Variants in ZNF442 observed in about 807,000 individuals in gnomAD.
ZNF442 encodes zinc finger protein 442.
ZNF442 carries 45 observed loss-of-function variants against 57.0 expected under a neutral mutation model. That is an observed-to-expected ratio of 0.79 (90% CI 0.62 to 1.01). The LOEUF (loss-of-function observed/expected upper bound fraction) is 1.01. Among genes scored for constraint, ZNF442 ranks in the 50% least tolerant of loss-of-function variants. The pLI, the probability that ZNF442 is intolerant of heterozygous loss-of-function variation, is 0.00. For synonymous variants in ZNF442, 213 were observed against 241.8 expected (o/e 0.88, Z 1.10); for missense variants, 690 against 756.5 (o/e 0.91, Z 1.03).
chr19:12,369,208 C>G (rs1379692448), upstream of ZNF442, among the ~76,000 whole-genome samples: 1 of 151,970 alleles, frequency 6.6e-6, no homozygotes, highest in East Asian at 1.9e-4. Flanking sequence ...CCTCCTAGAG[C>G]TGTGGGAAGC....
intron 5 of ZNF442, among the ~76,000 whole-genome samples, chr19:12,351,640 G>C (rs1969240436): frequency 6.6e-6 from 1 of 152,026 alleles, no homozygotes; most frequent in African/African-American, 2.4e-5. Context: ...CGAGTAACTG[G>C]GACTACACAC....
At chr19:12,358,764 G>A (rs973859292) in intron 3 of ZNF442, among the ~76,000 whole-genome samples, 1 of 152,154 alleles carries the variant, frequency 6.6e-6, no homozygotes, top group Non-Finnish European at 1.5e-5. Context: ...GGCATTTGCT[G>A]AACACCAATT....
chr19:12,350,776 C>G lies in ZNF442; in HGVS notation c.809G>C (p.Cys270Ser). 6.2e-7 allele frequency: 1 copy of G among 1,614,128 alleles called. No homozygotes were observed. The change falls in exon 6 of 6, where the codon TGT becomes TCT. Residue 270 changes from cysteine (C) to serine (S), a missense_variant. Coordinates refer to ENST00000242804, the MANE Select transcript of ZNF442 (RefSeq NM_030824.3). ...TGEKPYECKH[C>S]SKAFPDYSSY... ...ACTGTAATCAGGGAAGGCTTTGGAA[C>G]AGTGCTTGCATTCATATGGTTTCTC...
intron 3 of ZNF442, among the ~76,000 whole-genome samples, chr19:12,363,331 A>C (rs914892581): frequency 6.6e-6 from 1 of 152,142 alleles, no homozygotes; most frequent in Non-Finnish European, 1.5e-5. Flanking sequence ...TGACAACCTC[A>C]GGGATGGGCA....
upstream of ZNF442, among the ~76,000 whole-genome samples, chr19:12,367,653 G>T (rs368158724): frequency 6.6e-6 from 1 of 151,664 alleles, no homozygotes. Flanking sequence ...CTTCCCCAGG[G>T]TCTCAATTAT....
At position 12,349,732 on chromosome 19, in the gene ZNF442, T is replaced by C. The variant is rs377156743; in HGVS notation, c.1853A>G (p.His618Arg). The change falls in exon 6 of 6, where the codon CAT becomes CGT. Residue 618 changes from histidine to arginine, a missense_variant. Coordinates refer to ENST00000242804, the MANE Select transcript of ZNF442 (RefSeq NM_030824.3). ...AGTATCTCTCCAGTGAGTCCTTTTA[T>C]GTCTATGCAAGGAACTGAGAGAACT... is the stretch of plus-strand genomic sequence containing the variant. ...ALSSLSSLHRHKRTHWRDTL is the reference protein window; with the variant it reads ...ALSSLSSLHRRKRTHWRDTL 6.2e-7 allele frequency: 1 copy of C among 1,612,100 alleles called. No individual in the cohort carries two copies. The highest frequency in any genetic ancestry group is 1.1e-5 in the South Asian group (1 of 90,796).
intron 3 of ZNF442, among the ~76,000 whole-genome samples, chr19:12,358,387 A>G (rs1213431099): frequency 1.3e-5 from 2 of 152,182 alleles, no homozygotes; most frequent in East Asian, 1.9e-4. Flanking sequence ...ATTCTTTTTC[A>G]TGGCTGAATA....
chr19:12,348,084 C>A lies in ZNF442; in HGVS notation c.*1617G>T, dbSNP rs1269212023. 1 of 152,126 alleles carries A rather than the reference C, an allele frequency of 6.6e-6. No homozygotes were observed. Among genetic ancestry groups the A allele is most frequent in the Non-Finnish European group, 1.5e-5 (1 of 68,058 alleles). The allele number at this position is 152,126 out of a possible 1,614,324, so 9.4% of individuals were successfully genotyped here. A position where few individuals can be genotyped will look rare whatever the true frequency, so the allele number is the denominator to read the frequency against. On this transcript the variant is annotated 3_prime_UTR_variant, in exon 6 of 6. Coordinates refer to ENST00000242804, the MANE Select transcript of ZNF442 (RefSeq NM_030824.3). Reference sequence around the variant, plus strand: ...TCCTCGCAGGGCACGGTGGCTCATGCCTGTAATCTCAGCACTTTGGGAGGC... The same window carrying A: ...TCCTCGCAGGGCACGGTGGCTCATGACTGTAATCTCAGCACTTTGGGAGGC...
chr19:12,370,121 C>T (rs990773185), upstream of ZNF442, among the ~76,000 whole-genome samples: 1 of 151,666 alleles, frequency 6.6e-6, no homozygotes, highest in Admixed American at 6.6e-5. Flanking sequence ...AATATTATTA[C>T]ATTGTAATAT....
rs1390827344 is a variant in ZNF442, at chr19:12,348,781, A to G, written c.*920T>C. ...TACTGTAATCAGCATCATCATGATC[A>G]TGATCATCATCATCATCCTTGGGTT... On this transcript the variant is annotated 3_prime_UTR_variant, in exon 6 of 6. Coordinates refer to ENST00000242804, the MANE Select transcript of ZNF442 (RefSeq NM_030824.3). 6.6e-6 allele frequency: 1 copy of G among 152,186 alleles called. No individual in the cohort carries two copies. Among genetic ancestry groups the G allele is most frequent in the Non-Finnish European group, 1.5e-5 (1 of 68,020 alleles). 9.4% of individuals were successfully genotyped at this position (152,186 alleles called of 1,614,324 possible).
intron 1 of ZNF442, 57 bp from the exon 2 acceptor site, chr19:12,365,300 G>C (rs1969513534): frequency 5.0e-6 from 1 of 201,004 alleles, no homozygotes; most frequent in Non-Finnish European, 1.0e-5. Context: ...GCGGGAGCCG[G>C]GGCCGCAGTT....
the ZNF442 span, among the ~76,000 whole-genome samples, chr19:12,371,340 T>TTC: frequency 6.6e-6 from 1 of 152,128 alleles, no homozygotes; most frequent in African/African-American, 2.4e-5. Flanking sequence ...CACAAGACTG[T>TTC]TCTCTCTCTG....
upstream of ZNF442, among the ~76,000 whole-genome samples, chr19:12,368,812 G>A (rs889043539): frequency 2.0e-5 from 3 of 152,132 alleles, no homozygotes; most frequent in African/African-American, 7.2e-5. Flanking sequence ...CACACGCGGT[G>A]AGCAGCCAGA....
In ZNF442 at chr19:12,350,742, T is replaced by C. The variant is rs571379365; in HGVS notation, c.843A>G (p.Val281=). 394 of 1,614,150 alleles carry C rather than the reference T, an allele frequency of 2.4e-4. 7 individuals are homozygous for C. The South Asian group carries it at 4.0e-3, about 16-fold the overall frequency. ...CTCCAGTGTGAGTTCTTTCATGTCT[T>C]ACATAGGAACTGTAATCAGGGAAGG... ...SKAFPDYSSY[V]RHERTHTGEK... is the part of the protein sequence containing the mutation. Residue 281 remains valine (V), a synonymous_variant, in exon 6 of 6, where the codon GTA becomes GTG. Coordinates refer to ENST00000242804, the MANE Select transcript of ZNF442 (RefSeq NM_030824.3).
upstream of ZNF442, among the ~76,000 whole-genome samples, chr19:12,368,163 C>T (rs1424350604): frequency 6.6e-6 from 1 of 152,152 alleles, no homozygotes; most frequent in Non-Finnish European, 1.5e-5. Context: ...TCAGGGTGCA[C>T]TGATTTCATA....
At chr19:12,362,971 G>A (rs1480740710) in intron 3 of ZNF442, among the ~76,000 whole-genome samples, 3 of 150,432 alleles carry the variant, frequency 2.0e-5, no homozygotes, top group African/African-American at 4.9e-5. Context: ...GTGAAACCCC[G>A]TCTCTACTAA....
chr19:12,349,895 T>G lies in ZNF442; in HGVS notation c.1690A>C (p.Arg564=). 6.2e-7 allele frequency: 1 copy of G among 1,614,184 alleles called. No individual in the cohort carries two copies. Among genetic ancestry groups the G allele is most frequent in the Non-Finnish European group, 8.5e-7 (1 of 1,180,018 alleles). Reference sequence around the variant, plus strand: ...TAAGATTTCTTTCCAGTGTGAATTCTTTCATGTCGCAGAAGGCAAGTGAGC... The same window carrying G: ...TAAGATTTCTTTCCAGTGTGAATTCGTTCATGTCGCAGAAGGCAAGTGAGC... ...SWLTCLLRHE[R]IHTGKKSYEC... is the part of the protein sequence containing the mutation. The change falls in exon 6 of 6, where the codon AGA becomes CGA. Residue 564 remains arginine, a synonymous_variant. Coordinates refer to ENST00000242804, the MANE Select transcript of ZNF442 (RefSeq NM_030824.3).
chr19:12,353,954 CAG>C (rs1969285042), intron 3 of ZNF442, among the ~76,000 whole-genome samples: 2 of 152,122 alleles, frequency 1.3e-5, no homozygotes. Flanking sequence ...AGGGACTCGA[CAG>C]AGTCTCCACC....
At chr19:12,373,008 G>A in the ZNF442 span, among the ~76,000 whole-genome samples, 4 of 152,224 alleles carry the variant, frequency 2.6e-5, no homozygotes, top group Non-Finnish European at 4.4e-5. Flanking sequence ...TCCTGACATC[G>A]TGATCTGCCC....
Sources: allele counts gnomAD v4.1 joint callset (sites outside exome capture counted in the v4.1 genomes callset), GRCh38; gene constraint gnomAD v4.1.1; transcripts MANE v1.5; gene names NCBI Gene and HGNC (gene_info 2026-07-23, HGNC 2026-07-21).